The following SUFU variants were observed in gnomAD, a reference collection of about 807,000 sequenced individuals.
SUFU encodes SUFU negative regulator of hedgehog signaling.
A neutral mutation model predicts 58.9 loss-of-function variants in SUFU; 7 were observed. The observed-to-expected ratio is 0.12, with a 90% confidence interval of 0.07 to 0.22. SUFU has a LOEUF of 0.22. SUFU is among the 10% of genes least tolerant of loss of function. The pLI is 1.00. For synonymous variants in SUFU, 232 were observed against 254.8 expected (o/e 0.91, Z 0.85); for missense variants, 451 against 641.3 (o/e 0.70, Z 3.20).
intron 2 of SUFU, among the ~76,000 whole-genome samples, chr10:102,541,912 G>A (rs191665814): frequency 2.6e-5 from 3 of 116,332 alleles, no homozygotes; most frequent in South Asian, 2.8e-4. Context: ...ACAGAGTTTC[G>A]CTCTTGTTGC....
At chr10:102,528,020 T>G (rs939186219) in intron 2 of SUFU, among the ~76,000 whole-genome samples, 1 of 152,184 alleles carries the variant, frequency 6.6e-6, no homozygotes, top group African/African-American at 2.4e-5. Flanking sequence ...AGGTGTTGCT[T>G]TAAGCCAAAG....
At chr10:102,613,562 C>T (rs1404078544) in intron 8 of SUFU, among the ~76,000 whole-genome samples, 1 of 152,260 alleles carries the variant, frequency 6.6e-6, no homozygotes, top group Non-Finnish European at 1.5e-5. Flanking sequence ...GGAGGTTGGG[C>T]CTGCCCCTCA....
intron 8 of SUFU, among the ~76,000 whole-genome samples, chr10:102,602,507 A>T (rs1043237931): frequency 2.0e-5 from 3 of 152,236 alleles, no homozygotes. Context: ...AATAACTCCT[A>T]TGAGATGCCA....
At chr10:102,556,306 C>T (rs543279038) in intron 3 of SUFU, among the ~76,000 whole-genome samples, 2 of 152,042 alleles carry the variant, frequency 1.3e-5, no homozygotes, top group South Asian at 2.1e-4. Context: ...GGGAGGTTTG[C>T]GCAGAGGTGG....
At chr10:102,615,436 C>G (rs765466019) in intron 9 of SUFU, 34 bp downstream of exon 9, 2 of 1,613,802 alleles carry the variant, frequency 1.2e-6, no homozygotes, top group Non-Finnish European at 1.7e-6. Flanking sequence ...CAGTTTACCC[C>G]ACAGCACCCA....
chr10:102,522,664 A>G (rs1405020760), intron 2 of SUFU, among the ~76,000 whole-genome samples: 1 of 152,172 alleles, frequency 6.6e-6, no homozygotes, highest in Non-Finnish European at 1.5e-5. Flanking sequence ...GCAGGACTAG[A>G]TCTAGAGATC....
intron 2 of SUFU, among the ~76,000 whole-genome samples, chr10:102,529,582 G>A (rs1358818599): frequency 7.9e-5 from 12 of 152,138 alleles, no homozygotes; most frequent in Admixed American, 7.9e-4. Context: ...GACCAGCCTG[G>A]CCAATATGGA....
intron 2 of SUFU, among the ~76,000 whole-genome samples, chr10:102,544,627 A>G (rs1394374023): frequency 1.3e-5 from 2 of 152,182 alleles, no homozygotes; most frequent in Non-Finnish European, 2.9e-5. Flanking sequence ...TGAACCCAGG[A>G]GGCAGAGGTT....
chr10:102,507,117 A>G (rs548877648), intron 1 of SUFU, among the ~76,000 whole-genome samples: 3 of 152,198 alleles, frequency 2.0e-5, no homozygotes, highest in Admixed American at 2.0e-4. Flanking sequence ...TAAACAGAAT[A>G]CTCTGTGCTT....
At chr10:102,582,836 T>G (rs922648082) in intron 3 of SUFU, among the ~76,000 whole-genome samples, 1 of 152,162 alleles carries the variant, frequency 6.6e-6, no homozygotes, top group African/African-American at 2.4e-5. Flanking sequence ...TACCCAGCCC[T>G]TACCTGGAAT....
intron 2 of SUFU, among the ~76,000 whole-genome samples, chr10:102,536,157 G>A (rs1221828521): frequency 3.3e-5 from 5 of 151,678 alleles, no homozygotes; most frequent in Non-Finnish European, 7.4e-5. Context: ...AGTGGAGACG[G>A]TTTCACCATG....
At position 102,541,675 on chromosome 10, in the gene SUFU, A is replaced by C. The variant is rs954005184; in HGVS notation, c.318-8295A>C. ...CGGCCTCCCAAAGTGCTAGGATTGC[A>C]GGCGTGAGCCACCGCGCCCGGCTTT... On this transcript the variant is annotated intron_variant, in intron 2 of 11. Coordinates refer to ENST00000369902, the MANE Select transcript of SUFU (RefSeq NM_016169.4). Among the ~76,000 whole-genome samples, 3 of 140,178 alleles carry C rather than the reference A, an allele frequency of 2.1e-5. No homozygotes were observed. The Admixed American group carries it at 2.2e-4, about 10-fold the overall frequency. The allele number at this position is 140,178 out of a possible 152,430, so 92.0% of individuals were successfully genotyped here.
chr10:102,605,893 C>G (rs2063558369), intron 8 of SUFU, among the ~76,000 whole-genome samples: 1 of 152,124 alleles, frequency 6.6e-6, no homozygotes, highest in Non-Finnish European at 1.5e-5. Context: ...TGGGCATCCC[C>G]AAGGAGAAGG....
intron 2 of SUFU, among the ~76,000 whole-genome samples, chr10:102,523,084 C>T (rs2062569904): frequency 6.6e-6 from 1 of 152,076 alleles, no homozygotes; most frequent in South Asian, 2.1e-4. Flanking sequence ...GACAGTTGTC[C>T]ATTTGTCAGC....
chr10:102,628,808 C>A lies in SUFU; in HGVS notation c.1366-1258C>A, dbSNP rs1395791635. Among the ~76,000 whole-genome samples the A allele has an allele frequency of 6.6e-6, 1 of 152,116 alleles. No individual in the cohort carries two copies. Among genetic ancestry groups the A allele is most frequent in the Non-Finnish European group, 1.5e-5 (1 of 68,012 alleles). ...GCCCCAGACCGAGGCAGGCTGAGAA[C>A]ACTGTTCTCTCCTTTCCACCCTGCC... is the stretch of plus-strand genomic sequence containing the variant. On this transcript the variant is annotated intron_variant, in intron 11 of 11. Coordinates refer to ENST00000369902, the MANE Select transcript of SUFU (RefSeq NM_016169.4). The surrounding 1 kb of genome is among the most constrained non-coding windows in gnomAD (Gnocchi z 4.5).
At chr10:102,597,804 G>A (rs1439456932) in intron 7 of SUFU, among the ~76,000 whole-genome samples, 3 of 152,250 alleles carry the variant, frequency 2.0e-5, no homozygotes, top group Non-Finnish European at 4.4e-5. Flanking sequence ...AGGGTTAGGG[G>A]CTGTGGGCAG....
chr10:102,575,004 T>C (rs750247147), intron 3 of SUFU, among the ~76,000 whole-genome samples: 5 of 151,222 alleles, frequency 3.3e-5, no homozygotes, highest in Non-Finnish European at 5.9e-5. Context: ...TGCAGTGAGC[T>C]GAGATTGAGC....
chr10:102,562,796 C>T (rs953621966), intron 3 of SUFU, among the ~76,000 whole-genome samples: 2 of 152,060 alleles, frequency 1.3e-5, no homozygotes, highest in Non-Finnish European at 2.9e-5. Flanking sequence ...GAGGCTGAGG[C>T]ATGAGAATTG....
At chr10:102,522,765 CTCT>C (rs1164884414) in intron 2 of SUFU, among the ~76,000 whole-genome samples, 1 of 152,224 alleles carries the variant, frequency 6.6e-6, no homozygotes, top group Admixed American at 6.5e-5. Context: ...TCGCTGTCCT[CTCT>C]TCTTTGGAAG....
Sources: allele counts gnomAD v4.1 joint callset (sites outside exome capture counted in the v4.1 genomes callset), GRCh38; gene constraint gnomAD v4.1.1; non-coding constraint Gnocchi (gnomAD v3.1); transcripts MANE v1.5; gene names NCBI Gene and HGNC (gene_info 2026-07-23, HGNC 2026-07-21).